The following CRCP variants were observed in gnomAD, a reference collection of about 807,000 sequenced individuals.
The protein encoded by CRCP is CGRP receptor component.
In CRCP, 18 loss-of-function variants were observed where a neutral mutation model predicts 18.5. The ratio of observed to expected loss-of-function variants is 0.97; its 90% CI spans 0.67 to 1.44. The LOEUF is 1.44. Ranked by LOEUF, CRCP falls within the 40% of genes most tolerant of loss-of-function variation. CRCP has a pLI of 0.00. For missense variants in CRCP, 130 were observed against 176.4 expected (o/e 0.74, Z 1.49); for synonymous variants, 53 against 62.9 (o/e 0.84, Z 0.75).
chr7:66,122,251 C>G (rs200899159), intron 1 of CRCP, among the ~76,000 whole-genome samples: 1 of 151,592 alleles, frequency 6.6e-6, no homozygotes, highest in Non-Finnish European at 1.5e-5. Context: ...GGTGGGTGCC[C>G]GTAGTCCCAG....
Position 66,122,550 on chromosome 7 carries a change from C to G in CRCP, c.9-5154C>G, listed in dbSNP as rs6961717. ...TTTAAGCAAATTTTACAAGAAGTGT[C>G]AAATGGAAAGTCAGCTTCAGTCATC... is the stretch of plus-strand genomic sequence containing the variant. On this transcript the variant is annotated intron_variant, in intron 1 of 5. Coordinates refer to ENST00000395326, the MANE Select transcript of CRCP (RefSeq NM_014478.5). Among the ~76,000 whole-genome samples the G allele has an allele frequency of 5.0e-3, 753 of 151,930 alleles. 2 individuals carry two copies. The highest frequency in any genetic ancestry group is 8.4e-3 in the Non-Finnish European group (572 of 67,954).
At chr7:66,148,708 G>T (rs1422965220) in intron 5 of CRCP, among the ~76,000 whole-genome samples, 2 of 152,190 alleles carry the variant, frequency 1.3e-5, no homozygotes, top group Non-Finnish European at 2.9e-5. Flanking sequence ...TCCGGCCTGA[G>T]GTCAGTGAAT....
chr7:66,129,941 A>G (rs954716101), intron 2 of CRCP, among the ~76,000 whole-genome samples: 2 of 151,816 alleles, frequency 1.3e-5, no homozygotes, highest in African/African-American at 4.8e-5. Context: ...TAATACATGT[A>G]TGTTTTATCC....
At chr7:66,134,442 A>G in intron 4 of CRCP, 68 bp downstream of exon 4, 1 of 1,120,686 alleles carries the variant, frequency 8.9e-7, no homozygotes, top group Non-Finnish European at 1.3e-6. Flanking sequence ...ATTCGTAGCA[A>G]CCGTGTATTG....
chr7:66,120,922 C>T (rs561420703), intron 1 of CRCP, among the ~76,000 whole-genome samples: 39 of 152,024 alleles, frequency 2.6e-4, no homozygotes, highest in Non-Finnish European at 4.3e-4. Flanking sequence ...TATATTGTAC[C>T]TCTATCAGAC....
chr7:66,118,713 C>T (rs956096084), intron 1 of CRCP, among the ~76,000 whole-genome samples: 3 of 152,162 alleles, frequency 2.0e-5, no homozygotes, highest in African/African-American at 7.2e-5. Flanking sequence ...TATTATGATA[C>T]CATGACATGT....
At chr7:66,135,711 T>C (rs962045708) in intron 4 of CRCP, among the ~76,000 whole-genome samples, 35 of 151,874 alleles carry the variant, frequency 2.3e-4, no homozygotes, top group Middle Eastern at 3.4e-3. Flanking sequence ...TCACCTGAGG[T>C]TGGGAGTTCT....
At chr7:66,149,818 C>A (rs1334693567) in intron 5 of CRCP, among the ~76,000 whole-genome samples, 1 of 151,762 alleles carries the variant, frequency 6.6e-6, no homozygotes, top group Admixed American at 6.6e-5. Flanking sequence ...CCTTTTTTTT[C>A]CCCAAAGAGA....
At chr7:66,150,966 A>G (rs1788440160) in intron 5 of CRCP, 1 of 152,166 alleles carries the variant, frequency 6.6e-6, no homozygotes, top group Non-Finnish European at 1.5e-5. Context: ...TCATCTCTAG[A>G]TTCAGATTTC....
chr7:66,127,500 A>C (rs969854143), intron 1 of CRCP, among the ~76,000 whole-genome samples: 1 of 152,188 alleles, frequency 6.6e-6, no homozygotes, highest in African/African-American at 2.4e-5. Context: ...ATGGGACAGC[A>C]CTTTGTTCCC....
intron 4 of CRCP, among the ~76,000 whole-genome samples, chr7:66,139,285 T>C (rs1441862630): frequency 2.0e-4 from 31 of 152,236 alleles, no homozygotes; most frequent in Admixed American, 2.0e-3. Flanking sequence ...AGCCTACCAG[T>C]GAATTTTTCA....
At chr7:66,147,505 A>G (rs1160759917) in intron 5 of CRCP, among the ~76,000 whole-genome samples, 3 of 152,026 alleles carry the variant, frequency 2.0e-5, no homozygotes, top group Non-Finnish European at 4.4e-5. Context: ...GCTGATTGGG[A>G]CCTTCTGATT....
At chr7:66,127,617 G>C (rs1645945714) in intron 1 of CRCP, 87 bp from the exon 2 acceptor site, 7 of 1,459,306 alleles carry the variant, frequency 4.8e-6, no homozygotes, top group Non-Finnish European at 6.7e-6. Context: ...GTGGACTACT[G>C]TATCTTGACA....
At chr7:66,138,169 G>T (rs1362466920) in intron 4 of CRCP, among the ~76,000 whole-genome samples, 1 of 152,080 alleles carries the variant, frequency 6.6e-6, no homozygotes, top group Non-Finnish European at 1.5e-5. Context: ...AATTTCACTG[G>T]GTTGATTGAT....
intron 4 of CRCP, among the ~76,000 whole-genome samples, chr7:66,139,331 G>A (rs946894485): frequency 6.6e-5 from 10 of 152,056 alleles, no homozygotes; most frequent in African/African-American, 2.4e-4. Flanking sequence ...TTTCCATTTG[G>A]TTATTTGTTA....
chr7:66,118,037 T>C (rs1381944627), intron 1 of CRCP, among the ~76,000 whole-genome samples: 1 of 152,240 alleles, frequency 6.6e-6, no homozygotes. Flanking sequence ...TGTAGTACAG[T>C]GGCGCAATGT....
intron 2 of CRCP, among the ~76,000 whole-genome samples, chr7:66,128,256 C>A (rs1157355559): frequency 6.6e-6 from 1 of 152,088 alleles, no homozygotes; most frequent in Non-Finnish European, 1.5e-5. Context: ...CATAGTACTT[C>A]AGGAAAGCTG....
In CRCP at chr7:66,153,774, A is replaced by G. The variant is rs1788535933; in HGVS notation, c.*1417A>G. ...TTATAGGCAACATTGAAAGTACCAG[A>G]TTGGGGCCAGGTGTAGCGGCCCACA... On this transcript the variant is annotated 3_prime_UTR_variant, in exon 6 of 6. Transcript: ENST00000395326. The G allele has an allele frequency of 6.6e-6, 1 of 151,900 alleles. No individual in the cohort carries two copies. The highest frequency in any genetic ancestry group is 2.4e-5 in the African/African-American group (1 of 41,380). 9.4% of individuals were successfully genotyped at this position (151,900 alleles called of 1,614,324 possible).
chr7:66,152,393 G>A lies in CRCP; in HGVS notation c.*36G>A. 1 of 1,610,692 alleles carries A rather than the reference G, an allele frequency of 6.2e-7. No homozygotes were observed. The highest frequency in any genetic ancestry group is 8.5e-7 in the Non-Finnish European group (1 of 1,178,330). On this transcript the variant is annotated 3_prime_UTR_variant, in exon 6 of 6. Transcript: ENST00000395326. The stretch of plus-strand genomic sequence containing the variant: ...CTGGCCCCGGCGTTTCATGAAGTCA[G>A]AAGGCCTGGCAGCCATTTCCTGGAC...
Sources: allele counts gnomAD v4.1 joint callset (sites outside exome capture counted in the v4.1 genomes callset), GRCh38; gene constraint gnomAD v4.1.1; transcripts MANE v1.5; gene names NCBI Gene and HGNC (gene_info 2026-07-23, HGNC 2026-07-21).